The following NEO1 variants were observed in gnomAD, a reference collection of about 807,000 sequenced individuals.
The protein encoded by NEO1 is neogenin.
In NEO1, 63 loss-of-function variants were observed where a neutral mutation model predicts 159.7. That is an observed-to-expected ratio of 0.39 (90% CI 0.32 to 0.49). NEO1 has a LOEUF of 0.49. NEO1 is among the 20% of genes least tolerant of loss of function. The pLI is 0.85. For missense variants in NEO1, 1,615 were observed against 1,831.0 expected, an observed-to-expected ratio of 0.88 and a Z score of 2.15; for synonymous variants, 633 against 662.0, an observed-to-expected ratio of 0.96 and a Z score of 0.67.
At chr15:73,271,403 G>A (rs1160934321) in intron 18 of NEO1, among the ~76,000 whole-genome samples, 1 of 152,140 alleles carries the variant, frequency 6.6e-6, no homozygotes, top group Non-Finnish European at 1.5e-5. Flanking sequence ...ATTTAAGGAT[G>A]TACTTAATTT....
At chr15:73,286,900 C>A (rs1293114313) in intron 23 of NEO1, among the ~76,000 whole-genome samples, 1 of 152,206 alleles carries the variant, frequency 6.6e-6, no homozygotes, top group Non-Finnish European at 1.5e-5. Context: ...GCTGAGATTG[C>A]AGTAGCATCC....
rs7171234 is a variant in NEO1 at position 73,119,458 on chromosome 15, T to C, written c.448+2601T>C. On this transcript the variant is annotated intron_variant, in intron 2 of 28. Coordinates refer to ENST00000261908, the MANE Select transcript of NEO1 (RefSeq NM_002499.4). ...AGGTCTTTTTCTCTGAGCTGTCTCA[T>C]TTCTCCACAACCAAAATTTCTGTTT... is the stretch of plus-strand genomic sequence containing the variant. Among the ~76,000 whole-genome samples the C allele has an allele frequency of 6.4e-3, 976 of 152,356 alleles. 10 individuals carry two copies. The highest frequency in any genetic ancestry group is 0.022 in the African/African-American group (935 of 41,582).
intron 5 of NEO1, among the ~76,000 whole-genome samples, chr15:73,170,020 AC>A (rs2151927366): frequency 6.6e-6 from 1 of 152,222 alleles, no homozygotes; most frequent in South Asian, 2.1e-4. Context: ...TTAAAAATTT[AC>A]AAAGTAGTTC....
intron 25 of NEO1, 61 bp downstream of exon 25, chr15:73,289,299 A>G: frequency 7.4e-7 from 1 of 1,355,652 alleles, no homozygotes; most frequent in Non-Finnish European, 1.0e-6. Context: ...TAGGGGAACA[A>G]CTATGAATGA....
chr15:73,090,001 A>G (rs556283637), intron 1 of NEO1, among the ~76,000 whole-genome samples: 2 of 152,016 alleles, frequency 1.3e-5, no homozygotes, highest in Non-Finnish European at 2.9e-5. Context: ...ATTTTATTTT[A>G]CTCTCAGATG....
At chr15:73,296,013 A>C (rs1276437444) in intron 26 of NEO1, among the ~76,000 whole-genome samples, 3 of 152,188 alleles carry the variant, frequency 2.0e-5, no homozygotes, top group Non-Finnish European at 4.4e-5. Context: ...AGCACCCTTC[A>C]TGATAAAAGC....
At chr15:73,132,010 A>G (rs980930792) in intron 4 of NEO1, among the ~76,000 whole-genome samples, 7 of 152,126 alleles carry the variant, frequency 4.6e-5, no homozygotes, top group Middle Eastern at 3.4e-3. Flanking sequence ...TGTCAGGAAA[A>G]TCTCTCCTCA....
intron 1 of NEO1, among the ~76,000 whole-genome samples, chr15:73,102,393 A>G (rs1463760843): frequency 1.3e-5 from 2 of 152,136 alleles, no homozygotes; most frequent in Non-Finnish European, 2.9e-5. Flanking sequence ...AAGGTTTAAC[A>G]AGGTAATTAG....
intron 1 of NEO1, among the ~76,000 whole-genome samples, chr15:73,069,161 CTAT>C (rs1291052147): frequency 8.7e-6 from 1 of 114,684 alleles, no homozygotes; most frequent in Non-Finnish European, 1.8e-5. Flanking sequence ...CAGGGTTTTG[CTAT>C]GTTGCCCAGC....
intron 1 of NEO1, among the ~76,000 whole-genome samples, chr15:73,112,046 C>G (rs2071025729): frequency 6.6e-6 from 1 of 152,116 alleles, no homozygotes; most frequent in Admixed American, 6.6e-5. Flanking sequence ...TATCTTTCCT[C>G]TCCCAGTAAC....
intron 7 of NEO1, among the ~76,000 whole-genome samples, chr15:73,235,637 A>G (rs981028418): frequency 3.9e-5 from 6 of 152,246 alleles, no homozygotes; most frequent in African/African-American, 1.4e-4. Flanking sequence ...TTTTTGGTTC[A>G]GGATTTTATA....
intron 7 of NEO1, among the ~76,000 whole-genome samples, chr15:73,224,898 G>C (rs930820070): frequency 6.6e-6 from 1 of 152,116 alleles, no homozygotes; most frequent in South Asian, 2.1e-4. Context: ...CGTATTACCA[G>C]AGTTGGTTTT....
At chr15:73,216,604 G>A (rs1262833534) in intron 7 of NEO1, among the ~76,000 whole-genome samples, 2 of 152,122 alleles carry the variant, frequency 1.3e-5, no homozygotes, top group Non-Finnish European at 2.9e-5. Flanking sequence ...GTTGTTTCCT[G>A]ACTTTTTAAT....
chr15:73,234,256 C>G (rs1596426672), intron 7 of NEO1, among the ~76,000 whole-genome samples: 1 of 152,296 alleles, frequency 6.6e-6, no homozygotes, highest in East Asian at 1.9e-4. Context: ...AATCGGAGAT[C>G]CATATTTTCA....
At chr15:73,168,621 T>C (rs929960440) in intron 5 of NEO1, among the ~76,000 whole-genome samples, 5 of 152,198 alleles carry the variant, frequency 3.3e-5, no homozygotes, top group African/African-American at 1.2e-4. Context: ...TATAATTTCA[T>C]AGTCAAGTGG....
intron 7 of NEO1, among the ~76,000 whole-genome samples, chr15:73,190,198 A>G (rs866278224): frequency 3.4e-5 from 5 of 148,982 alleles, no homozygotes; most frequent in Admixed American, 6.6e-5. Context: ...TCTTTTGTCC[A>G]TTAACTTTTT....
intron 25 of NEO1, among the ~76,000 whole-genome samples, chr15:73,290,919 C>T (rs1486961492): frequency 1.3e-5 from 2 of 152,190 alleles, no homozygotes; most frequent in African/African-American, 2.4e-5. Context: ...TGTCTGCACA[C>T]GCATTCCCTC....
At chr15:73,236,193 GTTTA>G (rs1299110821) in intron 7 of NEO1, 150 bp from the exon 8 acceptor site, 27 of 1,015,256 alleles carry the variant, frequency 2.7e-5, no homozygotes, top group Non-Finnish European at 3.5e-5. Context: ...TCGTGGTTTT[GTTTA>G]TTTCTTTTTT....
At chr15:73,058,029 T>G (rs1328165237) in intron 1 of NEO1, among the ~76,000 whole-genome samples, 2 of 152,218 alleles carry the variant, frequency 1.3e-5, no homozygotes, top group Non-Finnish European at 2.9e-5. Flanking sequence ...TGTATGGTTT[T>G]ATTTTTTTAC....
Sources: allele counts gnomAD v4.1 joint callset (sites outside exome capture counted in the v4.1 genomes callset), GRCh38; gene constraint gnomAD v4.1.1; transcripts MANE v1.5; gene names NCBI Gene and HGNC (gene_info 2026-07-23, HGNC 2026-07-21).